The following IGSF5 variants were observed in gnomAD, a reference collection of about 807,000 sequenced individuals.
IGSF5 encodes the protein immunoglobulin superfamily member 5, also known as immunoglobulin superfamily 5 like.
In IGSF5, 41 loss-of-function variants were observed where a neutral mutation model predicts 39.4. The observed-to-expected ratio is 1.04, with a 90% CI of 0.81 to 1.35. The LOEUF (loss-of-function observed/expected upper bound fraction) is 1.35, where lower values mean the gene tolerates loss of function less well. IGSF5 is among the 40% of genes most tolerant of loss of function. IGSF5 has a pLI of 0.00. For missense variants in IGSF5, 487 were observed against 494.6 expected (o/e 0.98, Z 0.15); for synonymous variants, 183 against 175.3 (o/e 1.04, Z -0.34).
At chr21:39,788,892 A>G (rs1425801070) in intron 6 of IGSF5, among the ~76,000 whole-genome samples, 2 of 152,156 alleles carry the variant, frequency 1.3e-5, no homozygotes, top group Non-Finnish European at 2.9e-5. Context: ...TTTTATTAGA[A>G]TATTTACATT....
At chr21:39,715,641 C>T in the IGSF5 span, among the ~76,000 whole-genome samples, 2 of 152,158 alleles carry the variant, frequency 1.3e-5, no homozygotes, top group African/African-American at 2.4e-5. Context: ...TCTGAGGATA[C>T]GTTGTAAACA....
chr21:39,726,561 G>A, the IGSF5 span, among the ~76,000 whole-genome samples: 10 of 152,128 alleles, frequency 6.6e-5, no homozygotes, highest in East Asian at 3.9e-4. Flanking sequence ...GGGTGGAGGC[G>A]GTGCATGCCC....
chr21:39,798,908 T>C (rs1387539620), intron 8 of IGSF5, among the ~76,000 whole-genome samples: 2 of 152,150 alleles, frequency 1.3e-5, no homozygotes, highest in African/African-American at 4.8e-5. Context: ...TTTGAAAATT[T>C]CAGAAAAGTG....
the IGSF5 span, chr21:39,730,337 GC>G: frequency 6.6e-6 from 1 of 152,004 alleles, no homozygotes; most frequent in Non-Finnish European, 1.5e-5. Context: ...TTGGATTAGG[GC>G]CCACTATACA....
intron 8 of IGSF5, among the ~76,000 whole-genome samples, 155 bp downstream of exon 8, chr21:39,793,768 A>T (rs2086979495): frequency 6.6e-6 from 1 of 152,022 alleles, no homozygotes; most frequent in Non-Finnish European, 1.5e-5. Context: ...GCATGGAGAG[A>T]TGGGGCTGAG....
chr21:39,723,293 G>A, the IGSF5 span, among the ~76,000 whole-genome samples: 1 of 152,304 alleles, frequency 6.6e-6, no homozygotes, highest in South Asian at 2.1e-4. Context: ...GGCTGTTCAG[G>A]AGAGTCTGCC....
At chr21:39,716,938 T>C in the IGSF5 span, among the ~76,000 whole-genome samples, 3 of 152,230 alleles carry the variant, frequency 2.0e-5, no homozygotes, top group Admixed American at 6.5e-5. Context: ...CTTTTCACAA[T>C]GGTTGAACTA....
intron 5 of IGSF5, among the ~76,000 whole-genome samples, chr21:39,784,826 G>C (rs1569257303): frequency 6.6e-6 from 1 of 152,146 alleles, no homozygotes; most frequent in Non-Finnish European, 1.5e-5. Flanking sequence ...TTTTCAGAAA[G>C]TATTTTCTGG....
At chr21:39,775,140 GA>G (rs55923727) in intron 4 of IGSF5, among the ~76,000 whole-genome samples, 13,123 of 150,248 alleles carry the variant, frequency 0.087, 617 homozygotes, top group South Asian at 0.16. Context: ...CTACTGAACT[GA>G]AAAAAAAAAT....
chr21:39,765,944 C>A, intron 3 of IGSF5, 92 bp downstream of exon 3: 1 of 1,157,110 alleles, frequency 8.6e-7, no homozygotes, highest in Non-Finnish European at 1.2e-6. Context: ...TGATGGCAGA[C>A]GTGGTCTACC....
rs1217154896 is a variant in IGSF5, at chr21:39,755,410, C to T, written c.100+9112C>T. ...GACCATCCTGGCTAACACGGTGAAA[C>T]CCTGTCTCTACTGAAAATACAAAAA... On this transcript the variant is annotated intron_variant, in intron 2 of 8. Transcript: ENST00000380588. Among the ~76,000 whole-genome samples the T allele has an allele frequency of 2.0e-5, 3 of 151,872 alleles. No individual in the cohort carries two copies. The East Asian group carries it at 5.9e-4, about 30-fold the overall frequency.
At chr21:39,793,659 A>G in intron 8 of IGSF5, 46 bp downstream of exon 8, 1 of 1,449,516 alleles carries the variant, frequency 6.9e-7, no homozygotes, top group Non-Finnish European at 9.7e-7. Context: ...TTGGCTATTT[A>G]AAAATTCTTA....
the IGSF5 span, among the ~76,000 whole-genome samples, chr21:39,717,538 C>T: frequency 6.6e-6 from 1 of 152,176 alleles, no homozygotes; most frequent in South Asian, 2.1e-4. Flanking sequence ...GGAAGGGGTC[C>T]AGCTTCAATC....
chr21:39,738,008 C>T, the IGSF5 span, among the ~76,000 whole-genome samples: 2 of 152,184 alleles, frequency 1.3e-5, no homozygotes, highest in African/African-American at 4.8e-5. The surrounding 1 kb of genome is among the most constrained non-coding windows in gnomAD (Gnocchi z 6.4). Context: ...AGTTATGAGC[C>T]AGGAACCATG....
At chr21:39,739,651 TCTAA>T in the IGSF5 span, among the ~76,000 whole-genome samples, 1 of 152,112 alleles carries the variant, frequency 6.6e-6, no homozygotes, top group African/African-American at 2.4e-5. Context: ...CGATGACTGC[TCTAA>T]CTGCTTCCTG....
chr21:39,781,576 A>G (rs1028461286), intron 5 of IGSF5, among the ~76,000 whole-genome samples: 2 of 152,114 alleles, frequency 1.3e-5, no homozygotes, highest in East Asian at 3.8e-4. Context: ...AGGTTGTACA[A>G]TTTGCATGCT....
the IGSF5 span, among the ~76,000 whole-genome samples, chr21:39,735,924 G>C: frequency 6.6e-6 from 1 of 152,026 alleles, no homozygotes; most frequent in South Asian, 2.1e-4. Flanking sequence ...CACAATCTTC[G>C]CCCATTTCAA....
chr21:39,715,372 A>C, the IGSF5 span, among the ~76,000 whole-genome samples: 1 of 152,122 alleles, frequency 6.6e-6, no homozygotes, highest in African/African-American at 2.4e-5. Context: ...TCCTGCCTCA[A>C]GCTCCCAAAG....
intron 2 of IGSF5, among the ~76,000 whole-genome samples, chr21:39,756,220 C>A (rs540424540): frequency 2.0e-4 from 31 of 152,376 alleles, no homozygotes; most frequent in Non-Finnish European, 3.5e-4. Context: ...ACCCCACATT[C>A]TTTCTCGAGG....
Sources: allele counts gnomAD v4.1 joint callset (sites outside exome capture counted in the v4.1 genomes callset), GRCh38; gene constraint gnomAD v4.1.1; non-coding constraint Gnocchi (gnomAD v3.1); transcripts MANE v1.5; gene names NCBI Gene and HGNC (gene_info 2026-07-23, HGNC 2026-07-21).